SIGLEC1: variants seen among roughly 807,000 people sequenced by gnomAD.
SIGLEC1 encodes the protein sialoadhesin.
In SIGLEC1, 132 loss-of-function variants were observed where a neutral mutation model predicts 148.0. The ratio of observed to expected loss-of-function variants is 0.89; its 90% CI spans 0.77 to 1.03. The LOEUF (loss-of-function observed/expected upper bound fraction) is 1.03, where lower values mean the gene tolerates loss of function less well. Among genes scored for constraint, SIGLEC1 ranks in the 50% least tolerant of loss-of-function variants. SIGLEC1 has a pLI of 0.00. For synonymous variants in SIGLEC1, 945 were observed against 969.0 expected (o/e 0.98, Z 0.46); for missense variants, 2,253 against 2,271.4 (o/e 0.99, Z 0.16).
In SIGLEC1 at chr20:3,705,931, C is replaced by A. The variant is rs767354903; in HGVS notation, c.519G>T (p.Leu173=). 2.3e-5 allele frequency: 37 copies of A among 1,614,040 alleles called. No homozygotes were observed. In the South Asian group the frequency reaches 2.7e-4, roughly 12 times the overall value. The change falls in exon 4 of 22, where the codon CTG becomes CTT. Residue 173 remains leucine (L), a synonymous_variant. Transcript: ENST00000344754. ...GAGCAGGGTCCTGGCCTTGCCACTG[C>A]AGTCTGACCTGCTCCTGCAGGCATA... is the stretch of plus-strand genomic sequence containing the variant. The part of the protein sequence containing the change: ...PYVCLQEQVR[L]QWQGQDPARS...
chr20:3,696,955 C>A (rs1345048468), intron 10 of SIGLEC1, 67 bp from the exon 11 acceptor site: 3 of 1,529,878 alleles, frequency 2.0e-6, no homozygotes, highest in Non-Finnish European at 2.6e-6. Flanking sequence ...CACACTATGT[C>A]CCCCACCTCC....
chr20:3,693,434 C>G lies in SIGLEC1; in HGVS notation c.3508+13G>C. The stretch of plus-strand genomic sequence containing the variant: ...ATTCCTGTGAGTCCCACCCTGCATC[C>G]AGCCAGACTCACAGAGGACGTCCAA... On this transcript the variant is annotated intron_variant, in intron 14 of 21. Coordinates refer to ENST00000344754, the MANE Select transcript of SIGLEC1 (RefSeq NM_023068.4). 1 of 1,553,416 alleles carries G rather than the reference C, an allele frequency of 6.4e-7. No homozygotes were observed. The highest frequency in any genetic ancestry group is 1.8e-5 in the Admixed American group (1 of 55,802).
At position 3,691,444 on chromosome 20, in the gene SIGLEC1, A is replaced by T; in HGVS notation, c.4487T>A (p.Leu1496His). The T allele has an allele frequency of 1.9e-6, 3 of 1,613,286 alleles. No individual in the cohort carries two copies. The highest frequency in any genetic ancestry group is 2.5e-6 in the Non-Finnish European group (3 of 1,179,998). The change falls in exon 18 of 22, where the codon CTC (leucine) becomes CAC (histidine). Residue 1496 changes from leucine (L) to histidine (H), a missense_variant. Leu to His is a moderately conservative substitution (Grantham distance 99, BLOSUM62 -3). Coordinates refer to ENST00000344754, the MANE Select transcript of SIGLEC1 (RefSeq NM_023068.4). ...RRLHAEPVPT[L>H]AFTHVARAQA... ...AGCACGAGCCACGTGGGTGAAGGCG[A>T]GAGTGGGCACAGGCTCCGCGTGCAG...
Position 3,694,527 on chromosome 20 carries a change from G to C in SIGLEC1, c.2950C>G (p.Pro984Ala), listed in dbSNP as rs1259719725. The C allele has an allele frequency of 6.4e-7, 1 of 1,558,026 alleles. No individual in the cohort carries two copies. Among genetic ancestry groups the C allele is most frequent in the South Asian group, 1.2e-5 (1 of 82,114 alleles). Reference sequence around the variant, plus strand: ...AGGGTAGTGAGTGTGACGTGGCGTGGGGCATCTACACAGGGTGGGGAGTGG... The same window carrying C: ...AGGGTAGTGAGTGTGACGTGGCGTGCGGCATCTACACAGGGTGGGGAGTGG... Reference protein sequence around the residue: ...APISLHVSYAPRHVTLTTLMD... With the variant: ...APISLHVSYAARHVTLTTLMD... The change falls in exon 13 of 22, where the codon CCA becomes GCA. Residue 984 changes from proline to alanine, a missense_variant. Coordinates refer to ENST00000344754, the MANE Select transcript of SIGLEC1 (RefSeq NM_023068.4).
At chr20:3,711,387 TG>T (rs2087927847) in intron 1 of SIGLEC1, among the ~76,000 whole-genome samples, 2 of 152,220 alleles carry the variant, frequency 1.3e-5, no homozygotes, top group Admixed American at 1.3e-4. Context: ...CTTGGAGGGT[TG>T]GCTGGGGCCC....
In SIGLEC1 at chr20:3,689,261, C is replaced by T. The variant is rs193125459; in HGVS notation, c.4998-34G>A. 100 of 1,565,274 alleles carry T rather than the reference C, an allele frequency of 6.4e-5. No homozygotes were observed. In the African/African-American group the frequency reaches 1.2e-3, roughly 19 times the overall value. ...CCCGGAGTGGACTCAGAGAGCCTCT[C>T]CCCTCCCCACCTCCTGCCCCCATTC... On this transcript the variant is annotated intron_variant, in intron 20 of 21. Transcript: ENST00000344754.
chr20:3,712,498 G>A lies in SIGLEC1; in HGVS notation c.-138C>T, dbSNP rs138801574. Among the ~76,000 whole-genome samples, 1,270 of 152,102 alleles carry A rather than the reference G, an allele frequency of 8.3e-3. 11 individuals carry two copies. The highest frequency in any genetic ancestry group is 0.029 in the African/African-American group (1,207 of 41,504). On this transcript the variant is annotated 5_prime_UTR_variant, in exon 1 of 22. Transcript: ENST00000344754. ...CTCCACAGAAGGAAGTGGCTGCGGC[G>A]GTGCTGGACCTGCGGAGAGGAGAAC...
intron 6 of SIGLEC1, among the ~76,000 whole-genome samples, chr20:3,702,414 T>C (rs1239182555): frequency 6.6e-6 from 1 of 152,080 alleles, no homozygotes; most frequent in Non-Finnish European, 1.5e-5. Flanking sequence ...GGTGAAACCC[T>C]GTCTCTACAA....
rs757222868 is a variant in SIGLEC1 at position 3,698,026 on chromosome 20, CG to C, written c.1893del (p.Ala632ProfsTer32). On this transcript the variant is annotated frameshift_variant, in exon 9 of 22. Transcript: ENST00000344754. LOFTEE classifies it high-confidence loss of function. ...TCCTTGTGGAGCAGCTGCAGCCTGG[CG>C]GGGGGGTCGCTGTCCACACGGCACA... is the stretch of plus-strand genomic sequence containing the variant. ...LLLCRVDSDP[P>X]ARLQLLHKDR... The C allele has an allele frequency of 3.5e-5, 56 of 1,608,762 alleles. No individual in the cohort carries two copies. The highest frequency in any genetic ancestry group is 4.5e-5 in the Non-Finnish European group (53 of 1,178,104).
chr20:3,694,593 C>T lies in SIGLEC1; in HGVS notation c.2945-61G>A. On this transcript the variant is annotated intron_variant, in intron 12 of 21. Transcript: ENST00000344754. Reference sequence around the variant, plus strand: ...GGGGGTCCCTCATCCAGGGCTCTGTCATGTGACACAGCCCAGGACTGGGGG... The same window carrying T: ...GGGGGTCCCTCATCCAGGGCTCTGTTATGTGACACAGCCCAGGACTGGGGG... 15 of 1,565,102 alleles carry T rather than the reference C, an allele frequency of 9.6e-6. No homozygotes were observed. The South Asian group carries it at 1.8e-4, about 19-fold the overall frequency.
chr20:3,705,895 G>A lies in SIGLEC1; in HGVS notation c.555C>T (p.Thr185=), dbSNP rs200716228. ...WQGQDPARSV[T]FNSQKFEPTG... ...TGGGCTCAAACTTCTGGCTGTTGAA[G>A]GTGACAGAGCGAGCAGGGTCCTGGC... The change falls in exon 4 of 22, where the codon ACC becomes ACT. Residue 185 remains threonine (T), a synonymous_variant. Transcript: ENST00000344754. The A allele has an allele frequency of 4.1e-5, 66 of 1,614,214 alleles. No individual in the cohort carries two copies. Among genetic ancestry groups the A allele is most frequent in the Non-Finnish European group, 5.5e-5 (65 of 1,180,058 alleles).
At chr20:3,703,544 T>G (rs2087869217) in intron 5 of SIGLEC1, 93 bp from the exon 6 acceptor site, 4 of 1,455,158 alleles carry the variant, frequency 2.7e-6, no homozygotes, top group Middle Eastern at 2.3e-4. Context: ...TCAGCCTCAA[T>G]CTCTGCACAT....
Position 3,706,026 on chromosome 20 carries a change from G to A in SIGLEC1, c.424C>T (p.Pro142Ser). 6.2e-7 allele frequency: 1 copy of A among 1,612,894 alleles called. No homozygotes were observed. The highest frequency in any genetic ancestry group is 1.3e-5 in the African/African-American group (1 of 75,060). The stretch of plus-strand genomic sequence containing the variant: ...AGCTCCACCGGGGAGGCAATGGTGG[G>A]CACCCTGGGCTCCTCTGAGGACAGA... ...LVTVTEEPRV[P>S]TIASPVELLE... The change falls in exon 4 of 22, where the codon CCC (proline) becomes TCC (serine). Residue 142 changes from proline to serine, a missense_variant. Transcript: ENST00000344754.
Position 3,707,231 on chromosome 20 carries a change from G to A in SIGLEC1, c.-103C>T. The A allele has an allele frequency of 3.0e-6, 3 of 998,766 alleles. No homozygotes were observed. The highest frequency in any genetic ancestry group is 4.7e-6 in the Non-Finnish European group (3 of 644,842). The allele number at this position is 998,766 out of a possible 1,614,324, so 61.9% of individuals were successfully genotyped here. On this transcript the variant is annotated 5_prime_UTR_variant, in exon 2 of 22. Transcript: ENST00000344754. ...GACACCTCTGGGCACTTTAGCCCCA[G>A]CACCTGCTAGAAGTCCGAGCCTGTG...
At position 3,697,337 on chromosome 20, in the gene SIGLEC1, C is replaced by G. The variant is rs993180952; in HGVS notation, c.2128G>C (p.Val710Leu). 24 of 1,613,390 alleles carry G rather than the reference C, an allele frequency of 1.5e-5. No individual in the cohort carries two copies. The highest frequency in any genetic ancestry group is 2.0e-5 in the Non-Finnish European group (24 of 1,179,808). ...TSATFNGQAT[V>L]LAIAPSHTLQ... ...GTGTGTGATGGTGCAATGGCCAGGA[C>G]AGTGGCTGGAGAGCAGGCGGCACAG... The change falls in exon 10 of 22, where the codon GTC (valine) becomes CTC (leucine). Residue 710 changes from valine (V) to leucine (L), a missense_variant. By Grantham distance (32) the Val-to-Leu change is conservative (BLOSUM62 1). Transcript: ENST00000344754.
At chr20:3,712,004 G>A (rs772097001) in intron 1 of SIGLEC1, among the ~76,000 whole-genome samples, 1 of 152,042 alleles carries the variant, frequency 6.6e-6, no homozygotes, top group African/African-American at 2.4e-5. Flanking sequence ...AGTGATGGGT[G>A]GGGGTAAGGG....
intron 20 of SIGLEC1, 96 bp downstream of exon 20, chr20:3,689,504 A>T: frequency 1.2e-6 from 1 of 820,318 alleles, no homozygotes; most frequent in Non-Finnish European, 1.9e-6. Context: ...CTGTGAACTT[A>T]ATAGGAGGTC....
rs757371988 is a variant in SIGLEC1 at position 3,692,689 on chromosome 20, C to T, written c.3862G>A (p.Ala1288Thr). ...TVTCADPAAH[A>T]PTLYTWYHNG... ...TGGTACCAAGTATAGAGTGTGGGTG[C>T]GTGGGCAGCAGGGTCCGCACAGGTC... The change falls in exon 16 of 22, where the codon GCA (alanine) becomes ACA (threonine). Residue 1288 changes from alanine to threonine, a missense_variant. Coordinates refer to ENST00000344754, the MANE Select transcript of SIGLEC1 (RefSeq NM_023068.4). 5 of 1,612,880 alleles carry T rather than the reference C, an allele frequency of 3.1e-6. No homozygotes were observed. Among genetic ancestry groups the T allele is most frequent in the African/African-American group, 1.3e-5 (1 of 74,938 alleles).
At position 3,697,273 on chromosome 20, in the gene SIGLEC1, A is replaced by G. The variant is rs1313589228; in HGVS notation, c.2192T>C (p.Val731Ala). 4 of 1,613,880 alleles carry G rather than the reference A, an allele frequency of 2.5e-6. No individual in the cohort carries two copies. Among genetic ancestry groups the G allele is most frequent in the Admixed American group, 1.7e-5 (1 of 60,006 alleles). Residue 731 changes from valine to alanine, a missense_variant, in exon 10 of 22, where the codon GTG (valine) becomes GCG (alanine). Transcript: ENST00000344754. ...EGTEANLTCN[V>A]SREAAGSPAN... ...AGGGCTGCCAGCAGCTTCCCGGCTC[A>G]CGTTGCAAGTCAAGTTGGCTTCTGT...
Sources: allele counts gnomAD v4.1 joint callset (sites outside exome capture counted in the v4.1 genomes callset), GRCh38; gene constraint gnomAD v4.1.1; transcripts MANE v1.5; gene names NCBI Gene and HGNC (gene_info 2026-07-23, HGNC 2026-07-21).